ITGA11: variants seen among roughly 807,000 people sequenced by gnomAD.
The protein encoded by ITGA11 is integrin alpha-11.
In ITGA11, 97 loss-of-function variants were observed where a neutral mutation model predicts 141.9. The observed-to-expected ratio is 0.68, with a 90% CI of 0.58 to 0.81. The LOEUF is 0.81. Among genes scored for constraint, ITGA11 ranks in the 30% least tolerant of loss-of-function variants. ITGA11 has a pLI of 0.00. For missense variants in ITGA11, 1,387 were observed against 1,559.2 expected (o/e 0.89, Z 1.86); for synonymous variants, 658 against 624.6 (o/e 1.05, Z -0.80).
intron 2 of ITGA11, among the ~76,000 whole-genome samples, chr15:68,387,941 TCC>T (rs1466905504): frequency 3.3e-5 from 5 of 152,080 alleles, no homozygotes; most frequent in Admixed American, 2.0e-4. Flanking sequence ...AAGCCCCGCT[TCC>T]TTCTCCCTGC....
At chr15:68,358,335 A>G in intron 6 of ITGA11, 123 bp downstream of exon 6, 2 of 1,069,040 alleles carry the variant, frequency 1.9e-6, no homozygotes, top group Non-Finnish European at 2.6e-6. Flanking sequence ...TGGCCCTACT[A>G]CCTCTGCCCT....
intron 25 of ITGA11, 25 bp downstream of exon 25, chr15:68,311,265 A>C: frequency 2.0e-6 from 3 of 1,496,446 alleles, no homozygotes; most frequent in Non-Finnish European, 1.8e-6. Flanking sequence ...CCCCTCCCCT[A>C]GCCGGCTCCC....
intron 1 of ITGA11, among the ~76,000 whole-genome samples, chr15:68,405,195 G>A (rs1399144469): frequency 9.5e-6 from 1 of 105,480 alleles, no homozygotes; most frequent in African/African-American, 3.8e-5. Flanking sequence ...ACACATAACA[G>A]TAGCCAAAAT....
chr15:68,429,842 C>T (rs1372251973), intron 1 of ITGA11, among the ~76,000 whole-genome samples: 2 of 152,174 alleles, frequency 1.3e-5, no homozygotes, highest in Admixed American at 6.5e-5. Flanking sequence ...CCCATGCACA[C>T]TCTACACACT....
At chr15:68,423,305 CTGAT>C (rs1243160836) in intron 1 of ITGA11, among the ~76,000 whole-genome samples, 1 of 151,958 alleles carries the variant, frequency 6.6e-6, no homozygotes, top group African/African-American at 2.4e-5. Flanking sequence ...CCCCACCTGA[CTGAT>C]TGAGGAGGTC....
At chr15:68,381,353 C>T (rs544886300) in intron 2 of ITGA11, among the ~76,000 whole-genome samples, 39 of 152,220 alleles carry the variant, frequency 2.6e-4, no homozygotes, top group African/African-American at 8.4e-4. Context: ...ACAGATAATA[C>T]GGGAATAGAG....
rs140106126 is a variant in ITGA11, at chr15:68,360,491, G to A, written c.472+1099C>T. On this transcript the variant is annotated intron_variant, in intron 5 of 29. Transcript: ENST00000315757. ...TAAAAACACACACACTCACACGCACGCATGCACACACACACACTTGCACAT... is the reference window on the plus strand; with the variant it reads ...TAAAAACACACACACTCACACGCACACATGCACACACACACACTTGCACAT... 2.5e-3 allele frequency among the ~76,000 whole-genome samples: 373 copies of A among 152,106 alleles called. 3 individuals are homozygous for A. Among genetic ancestry groups the A allele is most frequent in the African/African-American group, 8.6e-3 (356 of 41,484 alleles).
chr15:68,428,488 G>C (rs139990679), intron 1 of ITGA11, among the ~76,000 whole-genome samples: 2,328 of 152,230 alleles, frequency 0.015, 67 homozygotes, highest in African/African-American at 0.053. Context: ...GTAGAGATGG[G>C]GTCATGGTGA....
chr15:68,351,179 A>T, intron 8 of ITGA11, 79 bp downstream of exon 8: 1 of 1,472,098 alleles, frequency 6.8e-7, no homozygotes, highest in Non-Finnish European at 9.3e-7. Context: ...GCCTGGAACT[A>T]GTCCCTTGGA....
At chr15:68,343,284 C>T (rs1185416403) in intron 10 of ITGA11, among the ~76,000 whole-genome samples, 1 of 151,992 alleles carries the variant, frequency 6.6e-6, no homozygotes. Context: ...TTTTGGCAGT[C>T]CCAGGAGCAG....
Position 68,317,245 on chromosome 15 carries a change from A to T in ITGA11, c.2715+20T>A. ...CCAGTGCCCACCCTGACCCTCCCCC[A>T]CATTGTCCCCAGTCTCAACCTTGGC... On this transcript the variant is annotated intron_variant, in intron 21 of 29. Transcript: ENST00000315757. 2 of 1,295,286 alleles carry T rather than the reference A, an allele frequency of 1.5e-6. No individual in the cohort carries two copies. The highest frequency in any genetic ancestry group is 2.2e-6 in the Non-Finnish European group (2 of 902,568). 80.2% of individuals were successfully genotyped at this position (1,295,286 alleles called of 1,614,324 possible).
At chr15:68,386,281 G>C (rs1377324115) in intron 2 of ITGA11, among the ~76,000 whole-genome samples, 1 of 152,144 alleles carries the variant, frequency 6.6e-6, no homozygotes, top group Admixed American at 6.5e-5. Flanking sequence ...GTGGGTGTTG[G>C]CAGGATCTGC....
chr15:68,353,717 T>G (rs1428848212), intron 7 of ITGA11, among the ~76,000 whole-genome samples: 1 of 152,122 alleles, frequency 6.6e-6, no homozygotes, highest in Non-Finnish European at 1.5e-5. Flanking sequence ...AGCTTTATAC[T>G]CATAACAGGC....
Position 68,350,799 on chromosome 15 carries a change from G to A in ITGA11, c.895-17C>T, listed in dbSNP as rs1467176866. The A allele has an allele frequency of 1.2e-6, 2 of 1,605,766 alleles. No homozygotes were observed. Among genetic ancestry groups the A allele is most frequent in the Admixed American group, 1.7e-5 (1 of 59,538 alleles). On this transcript the variant is annotated splice_polypyrimidine_tract_variant and intron_variant, in intron 8 of 29. Coordinates refer to ENST00000315757, the MANE Select transcript of ITGA11 (RefSeq NM_001004439.2). ...GCCCAGGACCTGCCAGGGAACAGGG[G>A]CAGGAACCACAAACCAGAACATAGC...
At chr15:68,356,979 G>T in intron 7 of ITGA11, 172 bp downstream of exon 7, 1 of 617,358 alleles carries the variant, frequency 1.6e-6, no homozygotes. Flanking sequence ...CTACCTGAGA[G>T]GACCCAAGAG....
chr15:68,343,694 C>T (rs957052747), intron 10 of ITGA11, among the ~76,000 whole-genome samples: 4 of 152,168 alleles, frequency 2.6e-5, no homozygotes, highest in African/African-American at 7.2e-5. Context: ...CGAGAGTCCA[C>T]GTCAGAGTGG....
chr15:68,387,978 T>C lies in ITGA11; in HGVS notation c.164+14940A>G, dbSNP rs192291276. Among the ~76,000 whole-genome samples, 530 of 152,240 alleles carry C rather than the reference T, an allele frequency of 3.5e-3. 15 individuals are homozygous for C. The highest frequency in any genetic ancestry group is 0.03 in the Admixed American group (455 of 15,278). ...CTGAATGGAGCTCTCCTGATGCACA[T>C]GTGGGTCTCAGCCCTAATTTCCCTG... On this transcript the variant is annotated intron_variant, in intron 2 of 29. Coordinates refer to ENST00000315757, the MANE Select transcript of ITGA11 (RefSeq NM_001004439.2).
intron 23 of ITGA11, 100 bp from the exon 24 acceptor site, chr15:68,312,963 G>C (rs1289221989): frequency 1.1e-5 from 9 of 826,432 alleles, no homozygotes; most frequent in Admixed American, 8.6e-5. Flanking sequence ...CCTCCCCCGG[G>C]CCACGAAAAA....
intron 22 of ITGA11, 26 bp downstream of exon 22, chr15:68,315,625 G>T: frequency 6.3e-7 from 1 of 1,598,826 alleles, no homozygotes; most frequent in Non-Finnish European, 8.6e-7. Flanking sequence ...CAAGCTTTGG[G>T]GAGAAGGAGC....
Sources: allele counts gnomAD v4.1 joint callset (sites outside exome capture counted in the v4.1 genomes callset), GRCh38; gene constraint gnomAD v4.1.1; transcripts MANE v1.5; gene names NCBI Gene and HGNC (gene_info 2026-07-23, HGNC 2026-07-21).